Variants in ADGRV1 observed in about 807,000 individuals in gnomAD.
The protein encoded by ADGRV1 is G-protein coupled receptor 98.
ADGRV1 carries 359 observed loss-of-function variants against 596.2 expected under a neutral mutation model. The ratio of observed to expected loss-of-function variants is 0.60; its 90% CI spans 0.55 to 0.66. ADGRV1 has a LOEUF of 0.66. Ranked by LOEUF, ADGRV1 falls within the 30% of genes least tolerant of loss-of-function variation. The pLI, the probability that ADGRV1 is intolerant of heterozygous loss-of-function variation, is 0.00. For synonymous variants in ADGRV1, 2,681 were observed against 2,679.2 expected (o/e 1.00, Z -0.02); for missense variants, 7,274 against 7,575.6 (o/e 0.96, Z 1.48).
At chr5:90,619,009 C>T in intron 3 of ADGRV1, 77 bp from the exon 4 acceptor site, 1 of 666,710 alleles carries the variant, frequency 1.5e-6, no homozygotes, top group East Asian at 3.2e-5. Flanking sequence ...TACTTGAAGA[C>T]AAATTCTACA....
At chr5:90,619,732 C>G (rs894351909) in intron 4 of ADGRV1, among the ~76,000 whole-genome samples, 54 of 151,004 alleles carry the variant, frequency 3.6e-4, no homozygotes, top group African/African-American at 1.3e-3. Context: ...GGTATATCTC[C>G]TAATGCTATC....
At chr5:90,996,005 A>G (rs1781383545) in intron 85 of ADGRV1, among the ~76,000 whole-genome samples, 1 of 152,198 alleles carries the variant, frequency 6.6e-6, no homozygotes, top group South Asian at 2.1e-4. Flanking sequence ...TAAAGAAATG[A>G]CCTGAAATAT....
chr5:91,085,862 C>T (rs1055372451), intron 86 of ADGRV1, among the ~76,000 whole-genome samples: 6 of 152,214 alleles, frequency 3.9e-5, no homozygotes, highest in Admixed American at 1.3e-4. Context: ...TAACCAACAA[C>T]TACTCTTGAA....
rs1475271848 is a variant in ADGRV1 at position 90,712,301 on chromosome 5, T to C, written c.9057T>C (p.Ala3019=). 1 of 1,537,708 alleles carries C rather than the reference T, an allele frequency of 6.5e-7. No homozygotes were observed. Among genetic ancestry groups the C allele is most frequent in the Non-Finnish European group, 8.8e-7 (1 of 1,137,522 alleles). ...YIFTPMILHF[A]DGERYKNVNI... Reference sequence around the variant, plus strand: ...TTTTTGACCAGATTCTTCATTTTGCTGATGGAGAAAGGTATAAAAATGTCA... The same window carrying C: ...TTTTTGACCAGATTCTTCATTTTGCCGATGGAGAAAGGTATAAAAATGTCA... Residue 3019 remains alanine (A), a synonymous_variant, in exon 42 of 90, where the codon GCT becomes GCC. Coordinates refer to ENST00000405460, the MANE Select transcript of ADGRV1 (RefSeq NM_032119.4).
intron 74 of ADGRV1, among the ~76,000 whole-genome samples, chr5:90,814,542 G>T (rs2150245644): frequency 6.6e-6 from 1 of 152,138 alleles, no homozygotes; most frequent in East Asian, 1.9e-4. Flanking sequence ...GGATCATGGG[G>T]GCAGTTTCCC....
chr5:90,749,526 T>C (rs1227464500), intron 52 of ADGRV1, among the ~76,000 whole-genome samples: 1 of 152,218 alleles, frequency 6.6e-6, no homozygotes, highest in Non-Finnish European at 1.5e-5. Flanking sequence ...GTGTAAAATA[T>C]TGCTAAAGGA....
At chr5:90,849,400 A>T (rs560039086) in intron 79 of ADGRV1, among the ~76,000 whole-genome samples, 72 of 152,094 alleles carry the variant, frequency 4.7e-4, no homozygotes, top group East Asian at 1.9e-3. Flanking sequence ...CTATATATAT[A>T]TTTTTTTAGA....
chr5:90,832,177 C>T (rs570862297), intron 77 of ADGRV1, among the ~76,000 whole-genome samples: 1 of 152,238 alleles, frequency 6.6e-6, no homozygotes, highest in South Asian at 2.1e-4. Context: ...GAGGAATCTC[C>T]AAACTTCTCC....
chr5:90,861,487 T>C lies in ADGRV1; in HGVS notation c.17756-2270T>C, dbSNP rs1165105865. Among the ~76,000 whole-genome samples the C allele has an allele frequency of 2.6e-5, 4 of 151,920 alleles. No individual in the cohort carries two copies. The South Asian group carries it at 8.3e-4, about 32-fold the overall frequency. On this transcript the variant is annotated intron_variant, in intron 82 of 89. Coordinates refer to ENST00000405460, the MANE Select transcript of ADGRV1 (RefSeq NM_032119.4). Reference sequence around the variant, plus strand: ...ACCATGCCCGGCTGATTTTTTGTATTTTTAGTAGAGACAGGGTTTCACCGT... The same window carrying C: ...ACCATGCCCGGCTGATTTTTTGTATCTTTAGTAGAGACAGGGTTTCACCGT...
intron 75 of ADGRV1, among the ~76,000 whole-genome samples, chr5:90,816,532 G>A (rs1762910882): frequency 6.6e-6 from 1 of 151,284 alleles, no homozygotes; most frequent in South Asian, 2.1e-4. Flanking sequence ...TTTAGCATTA[G>A]GTATATCTCC....
At chr5:90,922,667 C>A (rs570197513) in intron 83 of ADGRV1, among the ~76,000 whole-genome samples, 29 of 152,270 alleles carry the variant, frequency 1.9e-4, no homozygotes, top group African/African-American at 7.0e-4. Context: ...TCTATATAAA[C>A]CTTGCTACTC....
chr5:90,702,920 A>C (rs1014301827), intron 34 of ADGRV1, among the ~76,000 whole-genome samples: 1 of 152,026 alleles, frequency 6.6e-6, no homozygotes, highest in African/African-American at 2.4e-5. Context: ...TAGTGAATTG[A>C]GCATATTTTC....
At chr5:90,697,603 T>C (rs1283511295) in intron 34 of ADGRV1, among the ~76,000 whole-genome samples, 1 of 152,174 alleles carries the variant, frequency 6.6e-6, no homozygotes, top group Non-Finnish European at 1.5e-5. Context: ...AGTGAATATT[T>C]TAGCCTGGAT....
chr5:90,869,410 A>G (rs1014524985), intron 83 of ADGRV1, among the ~76,000 whole-genome samples: 2 of 152,170 alleles, frequency 1.3e-5, no homozygotes, highest in African/African-American at 2.4e-5. Context: ...AGAGTCACCA[A>G]TGGAGTTAGT....
At chr5:90,757,229 A>G in intron 57 of ADGRV1, 68 bp downstream of exon 57, 2 of 1,283,374 alleles carry the variant, frequency 1.6e-6, no homozygotes, top group South Asian at 1.2e-5. Context: ...CATCCATCAA[A>G]TGAATGTACA....
chr5:91,154,069 A>G (rs1164718894), intron 89 of ADGRV1, among the ~76,000 whole-genome samples: 1 of 152,256 alleles, frequency 6.6e-6, no homozygotes, highest in Non-Finnish European at 1.5e-5. Flanking sequence ...TGATATCTGC[A>G]TTCATAATAT....
intron 1 of ADGRV1, among the ~76,000 whole-genome samples, chr5:90,600,262 G>A (rs1251745949): frequency 2.0e-5 from 3 of 152,136 alleles, no homozygotes; most frequent in African/African-American, 4.8e-5. Context: ...CCATTAACTC[G>A]TCATTTACAT....
chr5:90,628,683 G>A lies in ADGRV1; in HGVS notation c.1360G>A (p.Gly454Arg), dbSNP rs1765114323. The A allele has an allele frequency of 1.9e-6, 3 of 1,613,978 alleles. No individual in the cohort carries two copies. The highest frequency in any genetic ancestry group is 2.5e-6 in the Non-Finnish European group (3 of 1,179,882). ...AACAGCAGATATCAGACCGAGCTCT[G>A]GAGTTCTCCATTTTGCACAAGGGCA... ...PVTADIRPSS[G>R]VLHFAQGQML... The change falls in exon 8 of 90, where the codon GGA (glycine) becomes AGA (arginine). Residue 454 changes from glycine to arginine, a missense_variant. Transcript: ENST00000405460.
intron 43 of ADGRV1, 61 bp from the exon 44 acceptor site, chr5:90,719,987 C>T: frequency 7.6e-7 from 1 of 1,309,648 alleles, no homozygotes; most frequent in Admixed American, 1.8e-5. Context: ...GTAGATTTCG[C>T]TATATATGTG....
Sources: gnomAD v4.1 joint callset for allele counts (sites outside exome capture counted in the v4.1 genomes callset) on GRCh38, gnomAD v4.1.1 for gene constraint, MANE v1.5 for transcripts, NCBI Gene and HGNC (gene_info 2026-07-23, HGNC 2026-07-21) for gene names.